The following DCUN1D4 variants were observed in gnomAD, a reference collection of about 807,000 sequenced individuals.
The protein encoded by DCUN1D4 is defective in cullin neddylation 1 domain containing 4.
In DCUN1D4, 22 loss-of-function variants were observed where a neutral mutation model predicts 47.9. The observed-to-expected ratio is 0.46, with a 90% CI of 0.33 to 0.66. The LOEUF (loss-of-function observed/expected upper bound fraction) is 0.66, where lower values mean the gene tolerates loss of function less well. Among genes scored for constraint, DCUN1D4 ranks in the 30% least tolerant of loss-of-function variants. DCUN1D4 has a pLI of 0.02. For synonymous variants in DCUN1D4, 121 were observed against 112.2 expected, an observed-to-expected ratio of 1.08 and a Z score of -0.50; for missense variants, 301 against 340.8, an observed-to-expected ratio of 0.88 and a Z score of 0.92.
rs1725393964 is a variant in DCUN1D4, at chr4:51,863,464, C to T, written c.53C>T (p.Thr18Ile). 6.2e-7 allele frequency: 1 copy of T among 1,612,868 alleles called. No individual in the cohort carries two copies. The highest frequency in any genetic ancestry group is 2.2e-5 in the East Asian group (1 of 44,766). Residue 18 changes from threonine to isoleucine, a missense_variant, in exon 2 of 11, where the codon ACA becomes ATA. Thr to Ile is a moderately conservative substitution (Grantham distance 89). Coordinates refer to ENST00000334635, the MANE Select transcript of DCUN1D4 (RefSeq NM_001040402.3). ...TTTCAGCTGAACTCTCATCTCTCAACACTGGCAAATATTCATAAGATCTAC... is the reference window on the plus strand; with the variant it reads ...TTTCAGCTGAACTCTCATCTCTCAATACTGGCAAATATTCATAAGATCTAC... ...VNFQLNSHLS[T>I]LANIHKIYHT... is the part of the protein sequence containing the mutation.
chr4:51,848,947 AT>A (rs200847082), intron 1 of DCUN1D4, among the ~76,000 whole-genome samples: 5 of 151,226 alleles, frequency 3.3e-5, no homozygotes, highest in South Asian at 2.1e-4. Flanking sequence ...GCCTTCGAGG[AT>A]TTTTTTTTCC....
chr4:51,856,227 C>A (rs537667851), intron 1 of DCUN1D4, among the ~76,000 whole-genome samples: 2 of 152,294 alleles, frequency 1.3e-5, no homozygotes, highest in African/African-American at 4.8e-5. Context: ...TCATCATTTT[C>A]ATCGTCACTT....
At chr4:51,835,625 G>C in the DCUN1D4 span, among the ~76,000 whole-genome samples, 1 of 152,154 alleles carries the variant, frequency 6.6e-6, no homozygotes, top group East Asian at 1.9e-4. Context: ...TGTAGGCTAA[G>C]ACTAGCCTGT....
At chr4:51,869,546 T>C (rs1389783774) in intron 3 of DCUN1D4, among the ~76,000 whole-genome samples, 1 of 152,140 alleles carries the variant, frequency 6.6e-6, no homozygotes, top group East Asian at 1.9e-4. Flanking sequence ...TAAAATATAT[T>C]CTCTAATTTT....
At chr4:51,901,284 G>T (rs1732068339) in intron 8 of DCUN1D4, among the ~76,000 whole-genome samples, 1 of 152,156 alleles carries the variant, frequency 6.6e-6, no homozygotes, top group South Asian at 2.1e-4. Flanking sequence ...CAGCCGGGGT[G>T]GTTTCAGTCC....
intron 1 of DCUN1D4, among the ~76,000 whole-genome samples, chr4:51,846,103 C>T (rs1233414572): frequency 6.6e-6 from 1 of 151,954 alleles, no homozygotes; most frequent in African/African-American, 2.4e-5. Context: ...TTCTTTTGTT[C>T]TATTATATCC....
rs1339736687 is a variant in DCUN1D4 at position 51,914,888 on chromosome 4, A to G, written c.*1304A>G. 3 of 138,816 alleles carry G rather than the reference A, an allele frequency of 2.2e-5. No individual in the cohort carries two copies. The highest frequency in any genetic ancestry group is 1.5e-5 in the Non-Finnish European group (1 of 65,944). The allele number at this position is 138,816 out of a possible 1,614,324, so 8.6% of individuals were successfully genotyped here. A position where few individuals can be genotyped will look rare whatever the true frequency, so the allele number is the denominator to read the frequency against. ...GAGATGACATGTTTTCACCCCAACT[A>G]TCTGGTGCTATTGAATGACTAATTC... On this transcript the variant is annotated 3_prime_UTR_variant, in exon 11 of 11. Transcript: ENST00000334635.
rs527950605 is a variant in DCUN1D4 at position 51,846,543 on chromosome 4, C to T, written c.25+3276C>T. On this transcript the variant is annotated intron_variant, in intron 1 of 10. Transcript: ENST00000334635. ...TGGCTTATTACCTTCTTCCTGGCTACGTTTACATTATTATCTCAATCATCA... is the reference window on the plus strand; with the variant it reads ...TGGCTTATTACCTTCTTCCTGGCTATGTTTACATTATTATCTCAATCATCA... Among the ~76,000 whole-genome samples, 7 of 152,262 alleles carry T rather than the reference C, an allele frequency of 4.6e-5. No homozygotes were observed. The South Asian group carries it at 1.2e-3, about 27-fold the overall frequency.
the DCUN1D4 span, among the ~76,000 whole-genome samples, chr4:51,833,927 G>T: frequency 6.6e-6 from 1 of 151,962 alleles, no homozygotes; most frequent in African/African-American, 2.4e-5. Context: ...GTGGCATCAA[G>T]GTGGATGAGG....
At position 51,847,173 on chromosome 4, in the gene DCUN1D4, T is replaced by A. The variant is rs186618747; in HGVS notation, c.25+3906T>A. On this transcript the variant is annotated intron_variant, in intron 1 of 10. Transcript: ENST00000334635. Reference sequence around the variant, plus strand: ...GTTGGCAACTTGCAGGTTATATCCCTGAACCAGCTACTTTGGCCAGCTGTC... The same window carrying A: ...GTTGGCAACTTGCAGGTTATATCCCAGAACCAGCTACTTTGGCCAGCTGTC... Among the ~76,000 whole-genome samples the A allele has an allele frequency of 5.9e-5, 9 of 152,322 alleles. No homozygotes were observed. The East Asian group carries it at 1.7e-3, about 29-fold the overall frequency.
In DCUN1D4 at chr4:51,843,211, T is replaced by A; in HGVS notation, c.-32T>A. The A allele has an allele frequency of 1.3e-6, 2 of 1,538,820 alleles. No individual in the cohort carries two copies. Among genetic ancestry groups the A allele is most frequent in the Non-Finnish European group, 1.8e-6 (2 of 1,142,774 alleles). ...GGACCGCGAGGCGAGCGCGGGAGCCTGGGCGGCGAGCCGGGTGTGAGCTGC... is the reference window on the plus strand; with the variant it reads ...GGACCGCGAGGCGAGCGCGGGAGCCAGGGCGGCGAGCCGGGTGTGAGCTGC... On this transcript the variant is annotated 5_prime_UTR_variant, in exon 1 of 11. Transcript: ENST00000334635.
intron 2 of DCUN1D4, 44 bp from the exon 3 acceptor site, chr4:51,863,626 A>C (rs1281619138): frequency 1.2e-6 from 2 of 1,606,162 alleles, no homozygotes; most frequent in African/African-American, 2.7e-5. Context: ...TGAAAATGCT[A>C]ACGGTATGTG....
upstream of DCUN1D4, among the ~76,000 whole-genome samples, chr4:51,838,508 A>T (rs1721552628): frequency 6.6e-6 from 1 of 152,052 alleles, no homozygotes; most frequent in South Asian, 2.1e-4. Flanking sequence ...CAGCCACCTG[A>T]GTAGCTAGGA....
chr4:51,853,912 T>G (rs1723743465), intron 1 of DCUN1D4, among the ~76,000 whole-genome samples: 1 of 152,230 alleles, frequency 6.6e-6, no homozygotes, highest in Non-Finnish European at 1.5e-5. Flanking sequence ...TTGGTAGTGC[T>G]TCCCCTGTGC....
At chr4:51,875,938 T>G (rs1173171238) in intron 4 of DCUN1D4, among the ~76,000 whole-genome samples, 1 of 152,126 alleles carries the variant, frequency 6.6e-6, no homozygotes, top group Admixed American at 6.6e-5. Flanking sequence ...CAGAATTAGA[T>G]CATATCTATT....
intron 3 of DCUN1D4, among the ~76,000 whole-genome samples, chr4:51,864,143 C>T (rs1031308159): frequency 6.6e-6 from 1 of 152,140 alleles, no homozygotes; most frequent in African/African-American, 2.4e-5. Flanking sequence ...TATAAGTTAT[C>T]CTCTAACCCT....
intron 8 of DCUN1D4, among the ~76,000 whole-genome samples, chr4:51,910,143 T>A (rs983058961): frequency 3.3e-5 from 5 of 152,148 alleles, no homozygotes; most frequent in Admixed American, 3.3e-4. Flanking sequence ...AAATTTCCAC[T>A]GTAGTTAAGA....
chr4:51,842,972 C>T, upstream of DCUN1D4: 1 of 1,061,738 alleles, frequency 9.4e-7, no homozygotes, highest in Non-Finnish European at 1.2e-6. Flanking sequence ...GTTACGGAGA[C>T]AAGGCCCCAG....
intron 8 of DCUN1D4, among the ~76,000 whole-genome samples, chr4:51,907,828 A>G (rs917332253): frequency 2.0e-5 from 3 of 152,180 alleles, no homozygotes; most frequent in African/African-American, 7.2e-5. Context: ...TTTTTGTAAT[A>G]TATTTCTATT....
Sources: allele counts gnomAD v4.1 joint callset (sites outside exome capture counted in the v4.1 genomes callset), GRCh38; gene constraint gnomAD v4.1.1; transcripts MANE v1.5; gene names NCBI Gene and HGNC (gene_info 2026-07-23, HGNC 2026-07-21).